Variants in POLE2 observed in about 807,000 individuals in gnomAD.
POLE2 encodes the protein DNA polymerase epsilon subunit 2.
In POLE2, 56 loss-of-function variants were observed where a neutral mutation model predicts 79.4. That is an observed-to-expected ratio of 0.71 (90% CI 0.57 to 0.88). POLE2 has a LOEUF of 0.88. Ranked by LOEUF, POLE2 falls within the 40% of genes least tolerant of loss-of-function variation. The pLI is 0.00. For missense variants in POLE2, 598 were observed against 638.9 expected, an observed-to-expected ratio of 0.94 and a Z score of 0.69; for synonymous variants, 212 against 214.0, an observed-to-expected ratio of 0.99 and a Z score of 0.08.
chr14:49,688,156 C>A lies in POLE2; in HGVS notation c.48G>T (p.Leu16Phe). ...LRSRALSAFK[L>F]RGLLLRGEAI... ...CTCACCCACGGAGCAGCAAGCCCCGCAACTTGAAGGCGGAGAGCGCCCGGC... is the reference window on the plus strand; with the variant it reads ...CTCACCCACGGAGCAGCAAGCCCCGAAACTTGAAGGCGGAGAGCGCCCGGC... The change falls in exon 1 of 19, where the codon TTG (leucine) becomes TTT (phenylalanine). Residue 16 changes from leucine (L) to phenylalanine (F), a missense_variant. Leu to Phe is a conservative substitution (Grantham distance 22). Coordinates refer to ENST00000216367, the MANE Select transcript of POLE2 (RefSeq NM_002692.4). The A allele has an allele frequency of 6.4e-7, 1 of 1,556,506 alleles. No individual in the cohort carries two copies. Among genetic ancestry groups the A allele is most frequent in the Admixed American group, 1.9e-5 (1 of 53,824 alleles).
chr14:49,653,786 C>A, intron 15 of POLE2: 2 of 462,848 alleles, frequency 4.3e-6, no homozygotes, highest in African/African-American at 2.0e-5. Flanking sequence ...TTCATAGAAC[C>A]ACAGGCGCGT....
At position 49,682,413 on chromosome 14, in the gene POLE2, G is replaced by A. The variant is rs541099129; in HGVS notation, c.169+1180C>T. 6.6e-5 allele frequency among the ~76,000 whole-genome samples: 10 copies of A among 151,594 alleles called. No individual in the cohort carries two copies. The South Asian group carries it at 1.3e-3, about 19-fold the overall frequency. Reference sequence around the variant, plus strand: ...AGCACTTTGGGAGGCCGAGGTGGGCGATCACCTGAAGTTGGCGGTTCGAGA... The same window carrying A: ...AGCACTTTGGGAGGCCGAGGTGGGCAATCACCTGAAGTTGGCGGTTCGAGA... On this transcript the variant is annotated intron_variant, in intron 2 of 18. Transcript: ENST00000216367.
At chr14:49,673,729 T>C (rs993958361) in intron 5 of POLE2, among the ~76,000 whole-genome samples, 47 of 152,218 alleles carry the variant, frequency 3.1e-4, no homozygotes, top group African/African-American at 1.0e-3. Flanking sequence ...AAATCCTGTC[T>C]TACTATATAC....
chr14:49,655,690 T>G lies in POLE2; in HGVS notation c.909A>C (p.Lys303Asn). 1.2e-6 allele frequency: 2 copies of G among 1,607,208 alleles called. No individual in the cohort carries two copies. Reference sequence around the variant, plus strand: ...ACCTACCAGCAAACATTATGCGAAGTTTTTCCAATACTTCCACCTGGTCCA... The same window carrying G: ...ACCTACCAGCAAACATTATGCGAAGGTTTTCCAATACTTCCACCTGGTCCA... ...VWLDQVEVLE[K>N]LRIMFAGYSP... is the part of the protein sequence containing the mutation. The change falls in exon 11 of 19, where the codon AAA becomes AAC. Residue 303 changes from lysine to asparagine, a missense_variant. By Grantham distance (94) the Lys-to-Asn change is moderately conservative. Coordinates refer to ENST00000216367, the MANE Select transcript of POLE2 (RefSeq NM_002692.4).
At chr14:49,654,274 T>TA in intron 13 of POLE2, 60 bp from the exon 14 acceptor site, 1 of 1,087,168 alleles carries the variant, frequency 9.2e-7, no homozygotes, top group Non-Finnish European at 1.4e-6. Flanking sequence ...TCCAATAGCT[T>TA]AAAAGCAAGT....
At chr14:49,653,060 CCAT>C (rs905732262) in intron 15 of POLE2, among the ~76,000 whole-genome samples, 1 of 152,082 alleles carries the variant, frequency 6.6e-6, no homozygotes, top group African/African-American at 2.4e-5. Context: ...ATTGTTCAGA[CCAT>C]GAAGGTGTCA....
intron 1 of POLE2, 128 bp downstream of exon 1, chr14:49,688,008 A>C: frequency 1.3e-6 from 1 of 749,098 alleles, no homozygotes; most frequent in Non-Finnish European, 2.2e-6. Flanking sequence ...GCTTCTTAGA[A>C]CTCTGAAATT....
chr14:49,654,869 T>C, intron 12 of POLE2, 31 bp from the exon 13 acceptor site: 1 of 1,477,794 alleles, frequency 6.8e-7, no homozygotes, highest in Non-Finnish European at 9.0e-7. Flanking sequence ...TGAATTAAAT[T>C]TGCATATAAT....
chr14:49,644,236 C>T (rs554900786), intron 18 of POLE2, among the ~76,000 whole-genome samples: 1 of 150,354 alleles, frequency 6.7e-6, no homozygotes, highest in East Asian at 2.0e-4. Context: ...AGTAGCCGGG[C>T]GCGGTGGCTC....
chr14:49,672,150 T>C (rs1422355627), intron 5 of POLE2, among the ~76,000 whole-genome samples: 2 of 152,144 alleles, frequency 1.3e-5, no homozygotes, highest in Non-Finnish European at 2.9e-5. Context: ...CATATTTCAG[T>C]TTTGGCTCCA....
intron 11 of POLE2, among the ~76,000 whole-genome samples, chr14:49,655,312 C>A (rs1336152868): frequency 6.6e-6 from 1 of 152,086 alleles, no homozygotes; most frequent in East Asian, 1.9e-4. Context: ...TCCATAAAAT[C>A]TGAGACTTAG....
At chr14:49,682,640 G>GGAAAAAAA (rs1373991966) in intron 2 of POLE2, among the ~76,000 whole-genome samples, 3 of 60,980 alleles carry the variant, frequency 4.9e-5, no homozygotes, top group African/African-American at 1.7e-4. Flanking sequence ...CCTTCTCAGG[G>GGAAAAAAA]AAAAAAAAAA....
At chr14:49,668,487 CAAGAG>C (rs1885650625) in intron 6 of POLE2, among the ~76,000 whole-genome samples, 1 of 150,006 alleles carries the variant, frequency 6.7e-6, no homozygotes, top group Non-Finnish European at 1.5e-5. Flanking sequence ...TAAAACAACA[CAAGAG>C]AAGTAAAAAT....
Position 49,650,359 on chromosome 14 carries a change from G to C in POLE2, c.1403C>G (p.Ala468Gly), listed in dbSNP as rs61981149. The change falls in exon 17 of 19, where the codon GCT becomes GGT. Residue 468 changes from alanine to glycine, a missense_variant. Coordinates refer to ENST00000216367, the MANE Select transcript of POLE2 (RefSeq NM_002692.4). ...VCPVYWAYDY[A>G]LRVYPVPDLL... is the part of the protein sequence containing the mutation. ...ATCGGGCACAGGATACACTCTCAAA[G>C]CATAGTCATATGCCCAATACACTGG... The C allele has an allele frequency of 6.2e-7, 1 of 1,609,804 alleles. No homozygotes were observed. The highest frequency in any genetic ancestry group is 1.1e-5 in the South Asian group (1 of 90,702).
intron 10 of POLE2, among the ~76,000 whole-genome samples, chr14:49,661,117 C>T (rs993072482): frequency 1.7e-4 from 26 of 152,084 alleles, no homozygotes; most frequent in African/African-American, 5.6e-4. Flanking sequence ...GACAGGGTTT[C>T]ACCATGTTGC....
intron 1 of POLE2, 91 bp from the exon 2 acceptor site, chr14:49,683,784 G>T: frequency 1.6e-6 from 1 of 629,838 alleles, no homozygotes; most frequent in Non-Finnish European, 2.8e-6. Context: ...CATCAATCTG[G>T]CACTGAAAGG....
intron 7 of POLE2, 43 bp downstream of exon 7, chr14:49,666,287 C>T (rs1594589474): frequency 2.1e-6 from 2 of 974,694 alleles, no homozygotes; most frequent in South Asian, 1.5e-5. Flanking sequence ...GACATTTCAT[C>T]AATCCAAGGC....
rs868398763 is a variant in POLE2, at chr14:49,688,184, C to T, written c.20G>A (p.Arg7Gln). The change falls in exon 1 of 19, where the codon CGG (arginine) becomes CAG (glutamine). Residue 7 changes from arginine (R) to glutamine (Q), a missense_variant. By Grantham distance (43) the Arg-to-Gln change is conservative. Transcript: ENST00000216367. Reference sequence around the variant, plus strand: ...CTTGAAGGCGGAGAGCGCCCGGCTCCGCAGCCGCTCCGGCGCCATATTTGC... The same window carrying T: ...CTTGAAGGCGGAGAGCGCCCGGCTCTGCAGCCGCTCCGGCGCCATATTTGC... MAPERL[R>Q]SRALSAFKLR... is the part of the protein sequence containing the mutation. 1.3e-6 allele frequency: 2 copies of T among 1,539,302 alleles called. No homozygotes were observed. Among genetic ancestry groups the T allele is most frequent in the East Asian group, 2.6e-5 (1 of 38,500 alleles).
At chr14:49,657,559 G>T (rs963744164) in intron 10 of POLE2, among the ~76,000 whole-genome samples, 9 of 151,842 alleles carry the variant, frequency 5.9e-5, no homozygotes, top group Non-Finnish European at 8.8e-5. Flanking sequence ...TCCTGCCTCA[G>T]CCTCCTGAGT....
Sources: allele counts gnomAD v4.1 joint callset (sites outside exome capture counted in the v4.1 genomes callset), GRCh38; gene constraint gnomAD v4.1.1; transcripts MANE v1.5; gene names NCBI Gene and HGNC (gene_info 2026-07-23, HGNC 2026-07-21).